Variants in RAB2A observed in about 807,000 individuals in gnomAD.
The protein encoded by RAB2A is RAB2A, member RAS oncogene family.
In RAB2A, 7 loss-of-function variants were observed where a neutral mutation model predicts 32.5. The ratio of observed to expected loss-of-function variants is 0.22; its 90% CI spans 0.12 to 0.40. The LOEUF is 0.40. RAB2A is among the 10% of genes least tolerant of loss of function. The probability of loss-of-function intolerance (pLI) is 1.00; values close to 1 mark genes in which losing one functional copy is unlikely to be tolerated. For missense variants in RAB2A, 108 were observed against 260.7 expected (o/e 0.41, Z 4.03); for synonymous variants, 79 against 85.2 (o/e 0.93, Z 0.40).
chr8:60,554,476 G>A (rs72648597), intron 1 of RAB2A, among the ~76,000 whole-genome samples: 22,679 of 152,170 alleles, frequency 0.15, 1,843 homozygotes, highest in East Asian at 0.26. Flanking sequence ...TGAATCACAG[G>A]TTGATTGGGA....
At chr8:60,547,820 C>T (rs1227966529) in intron 1 of RAB2A, among the ~76,000 whole-genome samples, 58 of 92,462 alleles carry the variant, frequency 6.3e-4, no homozygotes, top group Admixed American at 9.5e-4. Context: ...GGCGGCTGGC[C>T]GGGCGGGGGG....
chr8:60,524,102 C>T (rs1289092410), intron 1 of RAB2A, among the ~76,000 whole-genome samples: 1 of 152,052 alleles, frequency 6.6e-6, no homozygotes, highest in Non-Finnish European at 1.5e-5. Flanking sequence ...GCTATTGTCC[C>T]TGTTGTTCTC....
At chr8:60,608,581 C>A (rs1168343706) in intron 6 of RAB2A, among the ~76,000 whole-genome samples, 1 of 149,982 alleles carries the variant, frequency 6.7e-6, no homozygotes, top group African/African-American at 2.5e-5. Flanking sequence ...CCTTCTCCTC[C>A]TCTCCCTCCC....
chr8:60,528,436 A>G (rs186007089), intron 1 of RAB2A, among the ~76,000 whole-genome samples: 10 of 152,308 alleles, frequency 6.6e-5, no homozygotes, highest in Admixed American at 5.2e-4. Flanking sequence ...AGTGCTGTAT[A>G]GTGTCTAATG....
intron 1 of RAB2A, among the ~76,000 whole-genome samples, chr8:60,541,544 C>A (rs149521484): frequency 5.3e-5 from 8 of 152,176 alleles, no homozygotes; most frequent in African/African-American, 1.9e-4. Flanking sequence ...CAAAAATTAG[C>A]CAGGCGTGGT....
intron 1 of RAB2A, among the ~76,000 whole-genome samples, chr8:60,538,003 A>G (rs556295705): frequency 2.0e-5 from 3 of 152,160 alleles, no homozygotes; most frequent in Admixed American, 2.0e-4. Context: ...ATTCTTCCTG[A>G]TTTTTCTTAA....
At chr8:60,598,937 CAAAAAAAAAAAAAA>C (rs56406651) in intron 6 of RAB2A, among the ~76,000 whole-genome samples, 11 of 40,386 alleles carry the variant, frequency 2.7e-4, no homozygotes, top group African/African-American at 4.1e-4. Flanking sequence ...TGCAGTAAAG[CAAAAAAAAAAAAAA>C]AAAAAAAAAA....
chr8:60,582,621 G>A (rs1319825273), intron 3 of RAB2A, among the ~76,000 whole-genome samples: 1 of 152,022 alleles, frequency 6.6e-6, no homozygotes, highest in African/African-American at 2.4e-5. Context: ...CCTGGGCTCA[G>A]ATGATCCTCC....
At chr8:60,550,855 C>T (rs1393546012) in intron 1 of RAB2A, among the ~76,000 whole-genome samples, 1 of 152,102 alleles carries the variant, frequency 6.6e-6, no homozygotes, top group Non-Finnish European at 1.5e-5. Context: ...GTGATTAGGC[C>T]CCTGTCATTC....
chr8:60,576,765 G>A (rs904525668), intron 3 of RAB2A, among the ~76,000 whole-genome samples: 3 of 152,184 alleles, frequency 2.0e-5, no homozygotes, highest in African/African-American at 7.2e-5. Flanking sequence ...AAACAATACT[G>A]CCTCCCCACT....
At chr8:60,602,907 T>C (rs181368618) in intron 6 of RAB2A, among the ~76,000 whole-genome samples, 1 of 152,338 alleles carries the variant, frequency 6.6e-6, no homozygotes, top group Admixed American at 6.5e-5. Context: ...AGAGGCGGTT[T>C]AGCACAGTGG....
At chr8:60,527,325 A>T (rs1175314923) in intron 1 of RAB2A, among the ~76,000 whole-genome samples, 1 of 152,208 alleles carries the variant, frequency 6.6e-6, no homozygotes, top group African/African-American at 2.4e-5. Flanking sequence ...GGAGACACAG[A>T]GCCAGACAAT....
At chr8:60,577,968 TTTAAG>T (rs1343071857) in intron 3 of RAB2A, among the ~76,000 whole-genome samples, 3 of 152,238 alleles carry the variant, frequency 2.0e-5, no homozygotes, top group South Asian at 2.1e-4. Context: ...AGTTGAGTCT[TTTAAG>T]TAAAGTACCT....
At chr8:60,617,183 T>C (rs1804461305) in intron 6 of RAB2A, among the ~76,000 whole-genome samples, 1 of 152,152 alleles carries the variant, frequency 6.6e-6, no homozygotes, top group South Asian at 2.1e-4. Flanking sequence ...GTAATATTTA[T>C]ATATAATTTC....
chr8:60,584,710 T>C lies in RAB2A; in HGVS notation c.270-13T>C. Reference sequence around the variant, plus strand: ...GCTTTGAACATAGTAATTAAATTATTATTTATGTTTAGGAGAGATACATTC... The same window carrying C: ...GCTTTGAACATAGTAATTAAATTATCATTTATGTTTAGGAGAGATACATTC... On this transcript the variant is annotated splice_polypyrimidine_tract_variant and intron_variant, in intron 4 of 7. Transcript: ENST00000262646. 1 of 1,583,284 alleles carries C rather than the reference T, an allele frequency of 6.3e-7. No individual in the cohort carries two copies. Among genetic ancestry groups the C allele is most frequent in the East Asian group, 2.2e-5 (1 of 44,610 alleles).
intron 3 of RAB2A, among the ~76,000 whole-genome samples, chr8:60,575,901 C>T (rs988074989): frequency 6.6e-6 from 1 of 152,074 alleles, no homozygotes; most frequent in African/African-American, 2.4e-5. Context: ...AGGTGATCCA[C>T]GCCTCAGCCT....
chr8:60,549,368 G>C (rs1036415402), intron 1 of RAB2A, among the ~76,000 whole-genome samples: 6 of 152,210 alleles, frequency 3.9e-5, no homozygotes, highest in Non-Finnish European at 8.8e-5. Context: ...CTGAGTGAAC[G>C]AGACTCCGTC....
intron 1 of RAB2A, among the ~76,000 whole-genome samples, chr8:60,517,928 C>T (rs1318201151): frequency 5.9e-5 from 9 of 152,052 alleles, no homozygotes; most frequent in South Asian, 2.1e-4. Context: ...GTTCTGTGGA[C>T]TTTTGCCACG....
intron 2 of RAB2A, among the ~76,000 whole-genome samples, chr8:60,563,014 TAAA>T (rs5891768): frequency 6.7e-6 from 1 of 149,990 alleles, no homozygotes; most frequent in East Asian, 2.0e-4. Context: ...CTTTCAGAGA[TAAA>T]AAAAAAATAG....
Sources: gnomAD v4.1 joint callset for allele counts (sites outside exome capture counted in the v4.1 genomes callset) on GRCh38, gnomAD v4.1.1 for gene constraint, MANE v1.5 for transcripts, NCBI Gene and HGNC (gene_info 2026-07-23, HGNC 2026-07-21) for gene names.